Variants in IQCM observed in about 807,000 individuals in gnomAD.
IQCM encodes IQ motif containing M.
A neutral mutation model predicts 57.6 loss-of-function variants in IQCM; 45 were observed. That is an observed-to-expected ratio of 0.78 (90% CI 0.62 to 1.00). The LOEUF (loss-of-function observed/expected upper bound fraction) is 1.00, where lower values mean the gene tolerates loss of function less well. IQCM is among the 50% of genes least tolerant of loss of function. The pLI is 0.00. For missense variants in IQCM, 468 were observed against 511.6 expected (o/e 0.91, Z 0.82); for synonymous variants, 148 against 158.9 (o/e 0.93, Z 0.51).
chr4:149,510,793 T>C (rs1470209662), intron 12 of IQCM, among the ~76,000 whole-genome samples: 2 of 152,150 alleles, frequency 1.3e-5, no homozygotes, highest in East Asian at 3.9e-4. Flanking sequence ...TGTTTGTAGA[T>C]ATAGTGTCAT....
chr4:149,597,425 C>T (rs1323294653), intron 8 of IQCM, among the ~76,000 whole-genome samples: 2 of 152,190 alleles, frequency 1.3e-5, no homozygotes, highest in Admixed American at 6.5e-5. Flanking sequence ...GAGTCTCGCT[C>T]TGCTGCCCAG....
intron 10 of IQCM, among the ~76,000 whole-genome samples, chr4:149,557,197 C>T (rs918333482): frequency 1.3e-5 from 2 of 152,008 alleles, no homozygotes; most frequent in Admixed American, 6.6e-5. Context: ...CCTTGGCTTT[C>T]GGCAGGAAAC....
At chr4:149,674,399 T>C (rs1343302812) in intron 7 of IQCM, among the ~76,000 whole-genome samples, 2 of 152,166 alleles carry the variant, frequency 1.3e-5, no homozygotes. Context: ...CAATGCTAAC[T>C]GCCTTTATGG....
intron 12 of IQCM, among the ~76,000 whole-genome samples, chr4:149,460,593 C>G (rs1485272305): frequency 6.6e-6 from 1 of 151,348 alleles, no homozygotes; most frequent in Non-Finnish European, 1.5e-5. Context: ...ATCTTGGTAA[C>G]AGGTAGAGCA....
rs537319189 is a variant in IQCM, at chr4:149,510,348, T to A, written c.1228+38107A>T. On this transcript the variant is annotated intron_variant, in intron 12 of 13. Transcript: ENST00000636793. ...GTGTTTCTCTTATCAATTTAAAGAA[T>A]CTTTGTGTGGTATAGAATTTAAATA... Among the ~76,000 whole-genome samples the A allele has an allele frequency of 7.2e-5, 11 of 152,306 alleles. No homozygotes were observed. The East Asian group carries it at 1.5e-3, about 21-fold the overall frequency.
intron 12 of IQCM, among the ~76,000 whole-genome samples, chr4:149,478,984 T>C (rs368964601): frequency 2.0e-3 from 1 of 490 alleles, no homozygotes. Flanking sequence ...ACAAATCATT[T>C]AATAAATATT....
Position 149,548,435 on chromosome 4 carries a change from A to G in IQCM, c.1228+20T>C, listed in dbSNP as rs1037204036. On this transcript the variant is annotated intron_variant, in intron 12 of 13. Transcript: ENST00000636793. ...TTGAAAGGAAAAGAAGGGGGGAAAA[A>G]GAAATGAGAAACTACTCACCTTGAT... is the stretch of plus-strand genomic sequence containing the variant. The G allele has an allele frequency of 3.3e-5, 41 of 1,231,508 alleles. No individual in the cohort carries two copies. Among genetic ancestry groups the G allele is most frequent in the Non-Finnish European group, 4.1e-5 (40 of 987,598 alleles). The allele number at this position is 1,231,508 out of a possible 1,614,324, so 76.3% of individuals were successfully genotyped here.
At chr4:149,560,984 T>G (rs1750066685) in intron 10 of IQCM, among the ~76,000 whole-genome samples, 1 of 152,160 alleles carries the variant, frequency 6.6e-6, no homozygotes, top group South Asian at 2.1e-4. Context: ...GGAAACTTAC[T>G]ATTAACTGCA....
chr4:149,689,730 A>T (rs910939972), intron 5 of IQCM, among the ~76,000 whole-genome samples: 1 of 152,078 alleles, frequency 6.6e-6, no homozygotes, highest in Admixed American at 6.6e-5. Flanking sequence ...ACAAATCAAT[A>T]AGAAAAAAAT....
At chr4:149,788,525 A>C (rs1269599589) in intron 2 of IQCM, among the ~76,000 whole-genome samples, 1 of 152,202 alleles carries the variant, frequency 6.6e-6, no homozygotes, top group Non-Finnish European at 1.5e-5. Context: ...GAGAAAATGG[A>C]ACTTTTATAC....
rs541065082 is a variant in IQCM, at chr4:149,741,994, A to T, written c.37+661T>A. ...GAAGATTATACAGTGTGAACTGAAT[A>T]TGTAATTTACATGTAATTTAAATTT... is the stretch of plus-strand genomic sequence containing the variant. On this transcript the variant is annotated intron_variant, in intron 3 of 13. Coordinates refer to ENST00000636793, the MANE Select transcript of IQCM (RefSeq NM_001363507.2). Among the ~76,000 whole-genome samples, 4 of 152,286 alleles carry T rather than the reference A, an allele frequency of 2.6e-5. No homozygotes were observed. In the South Asian group the frequency reaches 8.3e-4, roughly 32 times the overall value.
intron 13 of IQCM, chr4:149,429,956 A>G: frequency 8.3e-7 from 1 of 1,199,240 alleles, no homozygotes; most frequent in Non-Finnish European, 1.0e-6. Flanking sequence ...GTTTATTTTA[A>G]CAAAGTGCAA....
chr4:149,480,622 T>C (rs1223776658), intron 12 of IQCM, among the ~76,000 whole-genome samples: 1 of 152,224 alleles, frequency 6.6e-6, no homozygotes, highest in African/African-American at 2.4e-5. Context: ...TACTACTCCA[T>C]TGTGTATAAG....
At position 149,519,347 on chromosome 4, in the gene IQCM, C is replaced by T. The variant is rs538130857; in HGVS notation, c.1228+29108G>A. Among the ~76,000 whole-genome samples, 110 of 152,272 alleles carry T rather than the reference C, an allele frequency of 7.2e-4. 3 individuals are homozygous for T. Among genetic ancestry groups the T allele is most frequent in the African/African-American group, 2.3e-3 (97 of 41,536 alleles). ...CCTTAAAAGTGCTTTCTTGGCCGGGCGCGGTGGCTCACGCCTGTAATCCCA... is the reference window on the plus strand; with the variant it reads ...CCTTAAAAGTGCTTTCTTGGCCGGGTGCGGTGGCTCACGCCTGTAATCCCA... On this transcript the variant is annotated intron_variant, in intron 12 of 13. Transcript: ENST00000636793.
chr4:149,691,472 A>G (rs1331567166), intron 5 of IQCM, among the ~76,000 whole-genome samples: 3 of 152,196 alleles, frequency 2.0e-5, no homozygotes, highest in African/African-American at 7.2e-5. Context: ...AATGGACAGC[A>G]TAACAGTGAA....
chr4:149,656,188 A>C (rs1216714843), intron 7 of IQCM, among the ~76,000 whole-genome samples: 1 of 152,150 alleles, frequency 6.6e-6, no homozygotes, highest in African/African-American at 2.4e-5. Context: ...TGTGTGACAC[A>C]AATTATGCTA....
chr4:149,359,406 C>G (rs1729317226), intron 13 of IQCM, among the ~76,000 whole-genome samples: 1 of 151,896 alleles, frequency 6.6e-6, no homozygotes, highest in African/African-American at 2.4e-5. Context: ...TTTTGCTTAT[C>G]TACATTTTCA....
At chr4:149,719,299 GCAT>G (rs1046256561) in intron 5 of IQCM, among the ~76,000 whole-genome samples, 1 of 150,076 alleles carries the variant, frequency 6.7e-6, no homozygotes, top group Non-Finnish European at 1.5e-5. Flanking sequence ...ACCCAAGACT[GCAT>G]CATTGCACTC....
At chr4:149,661,204 T>G (rs1161563442) in intron 7 of IQCM, among the ~76,000 whole-genome samples, 1 of 152,084 alleles carries the variant, frequency 6.6e-6, no homozygotes, top group Non-Finnish European at 1.5e-5. Flanking sequence ...TCCTAAAAAT[T>G]TTGAAATTAT....
Sources: allele counts gnomAD v4.1 joint callset (sites outside exome capture counted in the v4.1 genomes callset), GRCh38; gene constraint gnomAD v4.1.1; transcripts MANE v1.5; gene names NCBI Gene and HGNC (gene_info 2026-07-23, HGNC 2026-07-21).